PHLPP2: variants seen among roughly 807,000 people sequenced by gnomAD.
The protein encoded by PHLPP2 is PH domain leucine-rich repeat-containing protein phosphatase 2.
A neutral mutation model predicts 124.9 loss-of-function variants in PHLPP2; 66 were observed. That is an observed-to-expected ratio of 0.53 (90% CI 0.43 to 0.65). PHLPP2 has a LOEUF of 0.65. Ranked by LOEUF, PHLPP2 falls within the 30% of genes least tolerant of loss-of-function variation. The pLI, the probability that PHLPP2 is intolerant of heterozygous loss-of-function variation, is 0.00. For synonymous variants in PHLPP2, 681 were observed against 624.7 expected (o/e 1.09, Z -1.34); for missense variants, 1,685 against 1,600.4 (o/e 1.05, Z -0.90).
intron 13 of PHLPP2, among the ~76,000 whole-genome samples, chr16:71,661,480 G>A (rs148565555): frequency 1.3e-3 from 202 of 152,122 alleles, no homozygotes; most frequent in Non-Finnish European, 1.4e-3. Flanking sequence ...CATCAAATTA[G>A]GTTTTACAGC....
At position 71,679,892 on chromosome 16, in the gene PHLPP2, C is replaced by T. The variant is rs148891630; in HGVS notation, c.891-357G>A. On this transcript the variant is annotated intron_variant, in intron 6 of 18. Transcript: ENST00000568954. ...GGTTAGGAGATCGAGACCATTCTGG[C>T]TAACTTGGTGAAACCCCATCTCTAC... 2.8e-3 allele frequency among the ~76,000 whole-genome samples: 422 copies of T among 152,238 alleles called. 2 individuals are homozygous for T. The highest frequency in any genetic ancestry group is 0.027 in the Middle Eastern group (8 of 294).
chr16:71,652,101 A>G (rs1286278236), intron 18 of PHLPP2, among the ~76,000 whole-genome samples: 4 of 152,240 alleles, frequency 2.6e-5, no homozygotes, highest in African/African-American at 9.6e-5. Context: ...CAAGCCCCAG[A>G]CTGGGAGAAA....
intron 13 of PHLPP2, among the ~76,000 whole-genome samples, chr16:71,663,417 C>T (rs2044811102): frequency 6.6e-6 from 1 of 152,104 alleles, no homozygotes; most frequent in African/African-American, 2.4e-5. Flanking sequence ...AGCCAAACAC[C>T]CTGCCTTTCT....
At chr16:71,723,828 GC>G (rs2045415157) in intron 1 of PHLPP2, 3 of 1,250,738 alleles carry the variant, frequency 2.4e-6, no homozygotes, top group East Asian at 3.5e-5. Context: ...GGCTCCGGGG[GC>G]TCCAGCGGGC....
At chr16:71,677,811 TG>T (rs1567618898) in intron 8 of PHLPP2, 1 of 152,122 alleles carries the variant, frequency 6.6e-6, no homozygotes, top group East Asian at 1.9e-4. Flanking sequence ...TGTAATACAA[TG>T]GGTATCAAGA....
intron 3 of PHLPP2, among the ~76,000 whole-genome samples, chr16:71,694,095 G>C (rs920912356): frequency 6.6e-6 from 1 of 152,182 alleles, no homozygotes; most frequent in Non-Finnish European, 1.5e-5. Flanking sequence ...TCGGGAGGCT[G>C]AGGCAGGAGA....
At chr16:71,704,204 G>C (rs561609642) in intron 2 of PHLPP2, among the ~76,000 whole-genome samples, 76 of 151,696 alleles carry the variant, frequency 5.0e-4, no homozygotes, top group African/African-American at 1.7e-3. Context: ...CCAGCTACTC[G>C]GGAGGCTGAG....
chr16:71,679,620 T>A lies in PHLPP2; in HGVS notation c.891-85A>T, dbSNP rs532000646. 7.1e-6 allele frequency: 8 copies of A among 1,125,074 alleles called. No individual in the cohort carries two copies. In the African/African-American group the frequency reaches 1.3e-4, roughly 18 times the overall value. The allele number at this position is 1,125,074 out of a possible 1,614,324, so 69.7% of individuals were successfully genotyped here. On this transcript the variant is annotated intron_variant, in intron 6 of 18. Coordinates refer to ENST00000568954, the MANE Select transcript of PHLPP2 (RefSeq NM_015020.3). ...CAAGGGACATCAACGGCCTTTGATATCTATTTTAAATGTCTATAATAGAAT... is the reference window on the plus strand; with the variant it reads ...CAAGGGACATCAACGGCCTTTGATAACTATTTTAAATGTCTATAATAGAAT...
intron 2 of PHLPP2, among the ~76,000 whole-genome samples, 200 bp from the exon 3 acceptor site, chr16:71,702,931 C>A (rs947483433): frequency 6.6e-6 from 1 of 152,054 alleles, no homozygotes; most frequent in Non-Finnish European, 1.5e-5. Context: ...TAAGTAATTT[C>A]TCATCCTTCA....
intron 1 of PHLPP2, chr16:71,723,848 C>T (rs1395872316): frequency 1.1e-5 from 13 of 1,218,238 alleles, no homozygotes; most frequent in Non-Finnish European, 1.2e-5. Context: ...GCCCGCGGGC[C>T]CCGGCTCCAC....
At chr16:71,662,451 A>G (rs978316853) in intron 13 of PHLPP2, among the ~76,000 whole-genome samples, 1 of 151,748 alleles carries the variant, frequency 6.6e-6, no homozygotes, top group Admixed American at 6.6e-5. Context: ...TAAATAAATA[A>G]GTTGGGTATG....
chr16:71,652,873 C>A lies in PHLPP2; in HGVS notation c.2734G>T (p.Val912Leu), dbSNP rs151068287. Reference protein sequence around the residue: ...QAVLCRGGKPVPLSKVFSLEQ... With the variant: ...QAVLCRGGKPLPLSKVFSLEQ... ...AGGCTGAAGACTTTAGAGAGGGGCA[C>A]TGGCTTCCCACCTCGGCACAGGACT... Residue 912 changes from valine (V) to leucine (L), a missense_variant, in exon 18 of 19, where the codon GTG becomes TTG. Transcript: ENST00000568954. 3.1e-6 allele frequency: 5 copies of A among 1,614,170 alleles called. No homozygotes were observed. The South Asian group carries it at 5.5e-5, about 18-fold the overall frequency.
At chr16:71,716,736 A>G (rs1382402307) in intron 1 of PHLPP2, among the ~76,000 whole-genome samples, 1 of 152,130 alleles carries the variant, frequency 6.6e-6, no homozygotes, top group East Asian at 1.9e-4. Flanking sequence ...CCATATGACA[A>G]GTTATTCTTC....
intron 9 of PHLPP2, among the ~76,000 whole-genome samples, 171 bp downstream of exon 9, chr16:71,676,276 C>T (rs146097713): frequency 3.5e-4 from 53 of 152,294 alleles, no homozygotes; most frequent in Non-Finnish European, 5.4e-4. Context: ...TTTTTATGCA[C>T]ACTGCAACCA....
chr16:71,663,033 TC>T (rs1267169223), intron 13 of PHLPP2, among the ~76,000 whole-genome samples: 1 of 152,174 alleles, frequency 6.6e-6, no homozygotes, highest in African/African-American at 2.4e-5. Context: ...CCTAGCCCCA[TC>T]CCCAGGCTCT....
Position 71,648,656 on chromosome 16 carries a change from C to T in PHLPP2, c.*234G>A, listed in dbSNP as rs2044670113. 2.0e-6 allele frequency: 1 copy of T among 503,124 alleles called. No individual in the cohort carries two copies. The highest frequency in any genetic ancestry group is 3.5e-6 in the Non-Finnish European group (1 of 286,014). 31.2% of individuals were successfully genotyped at this position (503,124 alleles called of 1,614,324 possible). A position where few individuals can be genotyped will look rare whatever the true frequency, so the allele number is the denominator to read the frequency against. ...GCATAATGGCAGGTGCCTGTAATCC[C>T]AGCTACTCGGGAGGCTGAGACAGGA... On this transcript the variant is annotated 3_prime_UTR_variant, in exon 19 of 19. Transcript: ENST00000568954.
At position 71,714,818 on chromosome 16, in the gene PHLPP2, G is replaced by A. The variant is rs202103364; in HGVS notation, c.-6-17C>T. On this transcript the variant is annotated splice_polypyrimidine_tract_variant and intron_variant, in intron 1 of 18. Coordinates refer to ENST00000568954, the MANE Select transcript of PHLPP2 (RefSeq NM_015020.3). ...CATATTTCTCTAAAAAATATCAAGA[G>A]AAAGAAATCGTTAGCTAGAACATCT... 6.2e-7 allele frequency: 1 copy of A among 1,600,034 alleles called. No homozygotes were observed. Among genetic ancestry groups the A allele is most frequent in the East Asian group, 2.2e-5 (1 of 44,802 alleles).
At chr16:71,674,515 TGTGA>T (rs1395271885) in intron 9 of PHLPP2, among the ~76,000 whole-genome samples, 6 of 152,204 alleles carry the variant, frequency 3.9e-5, no homozygotes, top group Non-Finnish European at 5.9e-5. Flanking sequence ...ACAATATTTC[TGTGA>T]GTGTTTTAAA....
At chr16:71,710,872 AGTAACT>A (rs1240073984) in intron 2 of PHLPP2, among the ~76,000 whole-genome samples, 1 of 152,260 alleles carries the variant, frequency 6.6e-6, no homozygotes, top group African/African-American at 2.4e-5. Flanking sequence ...TATCCTGCAT[AGTAACT>A]GTCGAAGCCA....
Sources: allele counts gnomAD v4.1 joint callset (sites outside exome capture counted in the v4.1 genomes callset), GRCh38; gene constraint gnomAD v4.1.1; transcripts MANE v1.5; gene names NCBI Gene and HGNC (gene_info 2026-07-23, HGNC 2026-07-21).